RASAL2: variants seen among roughly 807,000 people sequenced by gnomAD.
The protein encoded by RASAL2 is ras GTPase-activating protein nGAP.
Under a neutral mutation model 128.9 loss-of-function variants are expected in RASAL2, and 58 were observed. That is an observed-to-expected ratio of 0.45 (90% confidence interval 0.36 to 0.56). The LOEUF (loss-of-function observed/expected upper bound fraction) is 0.56, where lower values mean the gene tolerates loss of function less well. RASAL2 is among the 20% of genes least tolerant of loss of function. RASAL2 has a pLI of 0.00. For synonymous variants in RASAL2, 561 were observed against 580.8 expected (o/e 0.97, Z 0.49); for missense variants, 1,360 against 1,601.6 (o/e 0.85, Z 2.57).
chr1:178,253,098 A>C (rs759487869), intron 1 of RASAL2, among the ~76,000 whole-genome samples: 12 of 152,140 alleles, frequency 7.9e-5, no homozygotes, highest in Non-Finnish European at 1.8e-4. Context: ...CAAGACTCTG[A>C]GGGAAAATCT....
At chr1:178,296,451 C>G (rs532538925) in intron 2 of RASAL2, among the ~76,000 whole-genome samples, 2 of 152,252 alleles carry the variant, frequency 1.3e-5, no homozygotes, top group East Asian at 3.9e-4. Flanking sequence ...CCTTAGATTC[C>G]TGTGCTTAAG....
At chr1:178,250,117 C>G (rs1328270076) in intron 1 of RASAL2, among the ~76,000 whole-genome samples, 1 of 152,158 alleles carries the variant, frequency 6.6e-6, no homozygotes, top group African/African-American at 2.4e-5. Flanking sequence ...GTCAGGATCC[C>G]CTTGCTCTCT....
chr1:178,168,492 G>C lies in RASAL2; in HGVS notation c.202+73798G>C, dbSNP rs1482488067. On this transcript the variant is annotated intron_variant, in intron 1 of 17. Transcript: ENST00000367649. ...CATGAAGGTTTGAAGTTTGTAATCA[G>C]AAGTTTTTACTGGTAATCTATGAGG... 3.3e-5 allele frequency among the ~76,000 whole-genome samples: 5 copies of C among 151,980 alleles called. 1 individual carries two copies. The highest frequency in any genetic ancestry group is 7.4e-5 in the Non-Finnish European group (5 of 67,980).
chr1:178,300,544 G>A (rs1667720930), intron 3 of RASAL2, among the ~76,000 whole-genome samples: 1 of 152,144 alleles, frequency 6.6e-6, no homozygotes, highest in African/African-American at 2.4e-5. Flanking sequence ...TGTAATATTA[G>A]ATCAGGCTAA....
intron 1 of RASAL2, among the ~76,000 whole-genome samples, chr1:178,231,559 T>G (rs1180963060): frequency 6.6e-6 from 1 of 152,202 alleles, no homozygotes; most frequent in South Asian, 2.1e-4. Flanking sequence ...CTTATTACCA[T>G]TTTCCTGTAT....
At chr1:178,113,243 A>G (rs1480379020) in intron 1 of RASAL2, among the ~76,000 whole-genome samples, 1 of 152,072 alleles carries the variant, frequency 6.6e-6, no homozygotes, top group African/African-American at 2.4e-5. Context: ...TGATTACTAT[A>G]GATTAATGAT....
In RASAL2 at chr1:178,454,534, C is replaced by T; in HGVS notation, c.2097C>T (p.Ile699=). The change falls in exon 12 of 18, where the codon ATC becomes ATT. Residue 699 remains isoleucine, a synonymous_variant. Coordinates refer to ENST00000367649, the MANE Select transcript of RASAL2 (RefSeq NM_170692.4). ...GAATGAAGCGCTTTCTTTTGGAGAT[C>T]TCTAATCCAGACACCATCTCAAACA... ...WGGMKRFLLE[I]SNPDTISNTP... 6.2e-7 allele frequency: 1 copy of T among 1,613,688 alleles called. No individual in the cohort carries two copies. The highest frequency in any genetic ancestry group is 8.5e-7 in the Non-Finnish European group (1 of 1,179,624).
intron 3 of RASAL2, chr1:178,372,292 G>A (rs529217438): frequency 8.9e-5 from 88 of 985,222 alleles, no homozygotes; most frequent in Non-Finnish European, 1.0e-4. Flanking sequence ...TAGTAGCACC[G>A]AAGAAGAGAA....
intron 2 of RASAL2, among the ~76,000 whole-genome samples, chr1:178,291,719 A>G (rs1667285195): frequency 1.3e-5 from 2 of 152,174 alleles, no homozygotes; most frequent in African/African-American, 2.4e-5. Flanking sequence ...TCACCCTTCT[A>G]CCTTTCACCC....
At chr1:178,441,486 C>G in intron 6 of RASAL2, 63 bp from the exon 7 acceptor site, 1 of 1,180,230 alleles carries the variant, frequency 8.5e-7, no homozygotes, top group Non-Finnish European at 1.3e-6. Flanking sequence ...TGCTGTGAAC[C>G]CTAATGACAG....
chr1:178,152,788 C>G (rs2101881004), intron 1 of RASAL2, among the ~76,000 whole-genome samples: 1 of 152,300 alleles, frequency 6.6e-6, no homozygotes, highest in East Asian at 1.9e-4. Context: ...CAACAGTGGT[C>G]AACTCATGGC....
At chr1:178,354,985 G>A (rs1283146547) in intron 3 of RASAL2, among the ~76,000 whole-genome samples, 3 of 152,166 alleles carry the variant, frequency 2.0e-5, no homozygotes, top group South Asian at 2.1e-4. Context: ...TTAGCTGGGC[G>A]TGGTGGCACA....
At chr1:178,440,269 T>TA (rs1450818324) in intron 6 of RASAL2, among the ~76,000 whole-genome samples, 1 of 152,036 alleles carries the variant, frequency 6.6e-6, no homozygotes, top group Non-Finnish European at 1.5e-5. Context: ...ACTAAGTGAC[T>TA]ACAGATGAGT....
intron 1 of RASAL2, among the ~76,000 whole-genome samples, chr1:178,122,349 GTGTT>G (rs1659748172): frequency 6.6e-6 from 1 of 152,180 alleles, no homozygotes; most frequent in Admixed American, 6.5e-5. Flanking sequence ...AAAAAATTGA[GTGTT>G]TGGGGATACA....
intron 1 of RASAL2, among the ~76,000 whole-genome samples, chr1:178,133,323 T>C (rs970168478): frequency 7.2e-5 from 11 of 152,202 alleles, no homozygotes; most frequent in Non-Finnish European, 1.3e-4. Flanking sequence ...AAGCCTGTTA[T>C]CTGCCTTTCC....
intron 1 of RASAL2, among the ~76,000 whole-genome samples, chr1:178,140,423 A>G (rs77621880): frequency 7.0e-4 from 106 of 152,316 alleles, no homozygotes; most frequent in Non-Finnish European, 1.1e-3. Context: ...CTACCATTAC[A>G]GTATTATATA....
At chr1:178,180,816 AC>A (rs766827714) in intron 1 of RASAL2, among the ~76,000 whole-genome samples, 324 of 150,164 alleles carry the variant, frequency 2.2e-3, no homozygotes, top group East Asian at 0.01. Context: ...AAGTTACTTT[AC>A]TTAAAAAAAA....
At chr1:178,279,009 T>C (rs1275765164) in intron 1 of RASAL2, among the ~76,000 whole-genome samples, 1 of 152,234 alleles carries the variant, frequency 6.6e-6, no homozygotes, top group Non-Finnish European at 1.5e-5. Context: ...TTGCAGTTAC[T>C]GAATTTATAT....
intron 1 of RASAL2, among the ~76,000 whole-genome samples, chr1:178,252,300 C>T (rs1278142963): frequency 1.3e-5 from 2 of 151,912 alleles, no homozygotes; most frequent in East Asian, 3.8e-4. Context: ...TATGAATATG[C>T]AGATAGTATA....
Sources: allele counts gnomAD v4.1 joint callset (sites outside exome capture counted in the v4.1 genomes callset), GRCh38; gene constraint gnomAD v4.1.1; transcripts MANE v1.5; gene names NCBI Gene and HGNC (gene_info 2026-07-23, HGNC 2026-07-21).